The following HMCN1 variants were observed in gnomAD, a reference collection of about 807,000 sequenced individuals.
HMCN1 encodes hemicentin 1.
In HMCN1, 321 loss-of-function variants were observed where a neutral mutation model predicts 625.9. That is an observed-to-expected ratio of 0.51 (90% CI 0.47 to 0.56). The LOEUF (loss-of-function observed/expected upper bound fraction) is 0.56, where lower values mean the gene tolerates loss of function less well. HMCN1 is among the 20% of genes least tolerant of loss of function. The pLI, the probability that HMCN1 is intolerant of heterozygous loss-of-function variation, is 0.00. For missense variants in HMCN1, 6,588 were observed against 6,887.3 expected, an observed-to-expected ratio of 0.96 and a Z score of 1.54; for synonymous variants, 2,425 against 2,417.6, an observed-to-expected ratio of 1.00 and a Z score of -0.09.
rs184366161 is a variant in HMCN1, at chr1:186,088,535, A to G, written c.9578-71A>G. The stretch of plus-strand genomic sequence containing the variant: ...TTTATCACGTAAAGTAAGACATTTT[A>G]TCATGAATTTTAGAGATGTTAAAGT... On this transcript the variant is annotated intron_variant, in intron 62 of 106. Coordinates refer to ENST00000271588, the MANE Select transcript of HMCN1 (RefSeq NM_031935.3). 780 of 1,538,228 alleles carry G rather than the reference A, an allele frequency of 5.1e-4. 3 individuals carry two copies. The highest frequency in any genetic ancestry group is 1.2e-3 in the East Asian group (55 of 44,206).
chr1:186,125,528 TG>T, intron 81 of HMCN1, 75 bp from the exon 82 acceptor site: 1 of 1,123,456 alleles, frequency 8.9e-7, no homozygotes, highest in Non-Finnish European at 1.4e-6. Context: ...GAGTTTTTTA[TG>T]TGTTAATTTT....
In HMCN1 at chr1:186,137,824, G is replaced by T. The variant is rs1416651080; in HGVS notation, c.13776G>T (p.Trp4592Cys). 6.2e-7 allele frequency: 1 copy of T among 1,613,996 alleles called. No homozygotes were observed. Among genetic ancestry groups the T allele is most frequent in the Non-Finnish European group, 8.5e-7 (1 of 1,179,980 alleles). ...PCPVDGSWSEWSLWEECTRSC... is the reference protein window; with the variant it reads ...PCPVDGSWSECSLWEECTRSC... ...TAGTGGATGGTAGCTGGTCGGAATG[G>T]AGTCTTTGGGAAGAATGCACAAGGA... Residue 4592 changes from tryptophan (W) to cysteine (C), a missense_variant, in exon 89 of 107, where the codon TGG becomes TGT. Around this residue, in one of 3 missense-constraint regions of HMCN1, gnomAD observed 1,954 missense variants for 2,013.1 expected, o/e 0.97. Transcript: ENST00000271588.
At chr1:186,058,973 C>T (rs1657516354) in intron 46 of HMCN1, among the ~76,000 whole-genome samples, 1 of 151,990 alleles carries the variant, frequency 6.6e-6, no homozygotes, top group Non-Finnish European at 1.5e-5. Context: ...AGTTACTTAA[C>T]TTTGCTAACT....
intron 11 of HMCN1, among the ~76,000 whole-genome samples, chr1:185,955,609 A>G (rs1160636389): frequency 1.3e-5 from 2 of 152,226 alleles, no homozygotes; most frequent in African/African-American, 4.8e-5. Flanking sequence ...TGCTAATTTT[A>G]TAGTCATACT....
intron 4 of HMCN1, among the ~76,000 whole-genome samples, chr1:185,889,481 C>T (rs1293888475): frequency 2.1e-5 from 3 of 143,486 alleles, no homozygotes; most frequent in South Asian, 2.1e-4. Flanking sequence ...TGAAATATGT[C>T]GCATCAATAC....
chr1:185,882,838 G>A (rs758179858), intron 4 of HMCN1, among the ~76,000 whole-genome samples: 1 of 152,038 alleles, frequency 6.6e-6, no homozygotes, highest in Non-Finnish European at 1.5e-5. Flanking sequence ...GCCTAAAAAT[G>A]TATACTTTAT....
intron 4 of HMCN1, among the ~76,000 whole-genome samples, chr1:185,868,036 T>C (rs907090556): frequency 1.1e-4 from 17 of 151,756 alleles, no homozygotes; most frequent in African/African-American, 4.1e-4. Context: ...ACCACCGCAC[T>C]CCAGCCTGGG....
chr1:186,166,926 T>A lies in HMCN1; in HGVS notation c.15558T>A (p.Asp5186Glu). The A allele has an allele frequency of 6.2e-7, 1 of 1,614,134 alleles. No individual in the cohort carries two copies. The highest frequency in any genetic ancestry group is 8.5e-7 in the Non-Finnish European group (1 of 1,179,978). The change falls in exon 100 of 107, where the codon GAT becomes GAA. Residue 5186 changes from aspartate to glutamate, a missense_variant. Physicochemically the swap from Asp to Glu is conservative, Grantham distance 45. Around this residue, in one of 3 missense-constraint regions of HMCN1, gnomAD observed 1,954 missense variants for 2,013.1 expected, o/e 0.97. Coordinates refer to ENST00000271588, the MANE Select transcript of HMCN1 (RefSeq NM_031935.3). Reference protein sequence around the residue: ...RCGSGFRRTSDGLSCQDINEC... With the variant: ...RCGSGFRRTSEGLSCQDINEC... ...GAAGTGGCTTTCGAAGAACCTCTGA[T>A]GGGCTGAGTTGTCAAGGTATAAAAA...
At position 186,135,874 on chromosome 1, in the gene HMCN1, T is replaced by G. The variant is rs890285520; in HGVS notation, c.13313-794T>G. Among the ~76,000 whole-genome samples, 88 of 152,240 alleles carry G rather than the reference T, an allele frequency of 5.8e-4. 1 individual carries two copies. Among genetic ancestry groups the G allele is most frequent in the African/African-American group, 2.1e-3 (85 of 41,460 alleles). ...TTCCATAGGTATGCTATAGCACAAG[T>G]CTGTCTTATCAGTGGACTGTGAGCT... On this transcript the variant is annotated intron_variant, in intron 86 of 106. Coordinates refer to ENST00000271588, the MANE Select transcript of HMCN1 (RefSeq NM_031935.3).
intron 30 of HMCN1, among the ~76,000 whole-genome samples, chr1:186,013,884 C>A (rs6425012): frequency 0.39 from 58,522 of 151,796 alleles, 12,207 homozygotes; most frequent in Non-Finnish European, 0.47. Context: ...AAGTGAAAAG[C>A]AGAGACACAT....
chr1:185,880,548 C>T (rs945205022), intron 4 of HMCN1, among the ~76,000 whole-genome samples: 3 of 152,166 alleles, frequency 2.0e-5, no homozygotes, highest in African/African-American at 7.2e-5. Context: ...AGTTGCCTGA[C>T]CTTTGTCCTT....
At position 185,982,094 on chromosome 1, in the gene HMCN1, A is replaced by C. The variant is rs190171291; in HGVS notation, c.2663-168A>C. On this transcript the variant is annotated intron_variant, in intron 17 of 106. Coordinates refer to ENST00000271588, the MANE Select transcript of HMCN1 (RefSeq NM_031935.3). Reference sequence around the variant, plus strand: ...TTTTGCATTCCCCCTACTTAGAAGGAGACTTTAATTTTTACTTTCAAAATC... The same window carrying C: ...TTTTGCATTCCCCCTACTTAGAAGGCGACTTTAATTTTTACTTTCAAAATC... Among the ~76,000 whole-genome samples, 50 of 152,258 alleles carry C rather than the reference A, an allele frequency of 3.3e-4. 2 individuals are homozygous for C. Among genetic ancestry groups the C allele is most frequent in the Admixed American group, 2.1e-3 (32 of 15,282 alleles).
intron 51 of HMCN1, among the ~76,000 whole-genome samples, 160 bp from the exon 52 acceptor site, chr1:186,070,452 C>T (rs1054362598): frequency 9.2e-5 from 14 of 152,190 alleles, no homozygotes; most frequent in Non-Finnish European, 7.3e-5. Flanking sequence ...TTTGAACACT[C>T]TTTCATAAGA....
Position 185,794,171 on chromosome 1 carries a change from GA to G in HMCN1, c.269-51846del, listed in dbSNP as rs959006888. Among the ~76,000 whole-genome samples, 546 of 150,034 alleles carry G rather than the reference GA, an allele frequency of 3.6e-3. 1 individual carries two copies. The highest frequency in any genetic ancestry group is 0.01 in the Middle Eastern group (3 of 294). ...CATTTTGTTTTTCACCTTCTAAAAG[GA>G]AAAAAAAACTTTTAAAAAATCTTGT... On this transcript the variant is annotated intron_variant, in intron 1 of 106. Coordinates refer to ENST00000271588, the MANE Select transcript of HMCN1 (RefSeq NM_031935.3).
At chr1:186,078,027 G>T in intron 54 of HMCN1, 80 bp from the exon 55 acceptor site, 1 of 1,020,206 alleles carries the variant, frequency 9.8e-7, no homozygotes, top group Non-Finnish European at 1.5e-6. Flanking sequence ...GCAGTCATTA[G>T]ACCTGAAAAT....
Position 186,120,271 on chromosome 1 carries a change from TA to T in HMCN1, c.12229+127del, listed in dbSNP as rs567160443. 2,968 of 1,072,234 alleles carry T rather than the reference TA, an allele frequency of 2.8e-3. 10 individuals are homozygous for T. Among genetic ancestry groups the T allele is most frequent in the Non-Finnish European group, 3.6e-3 (2,672 of 742,204 alleles). The allele number at this position is 1,072,234 out of a possible 1,614,324, so 66.4% of individuals were successfully genotyped here. On this transcript the variant is annotated intron_variant, in intron 80 of 106. Transcript: ENST00000271588. The stretch of plus-strand genomic sequence containing the variant: ...AGTTCTCGACATTCTTAGTTTGCAT[TA>T]TCCTATTGGTTTTTCTATCACTTTT...
chr1:185,823,155 A>G (rs1356593742), intron 1 of HMCN1, among the ~76,000 whole-genome samples: 1 of 151,748 alleles, frequency 6.6e-6, no homozygotes, highest in Non-Finnish European at 1.5e-5. Context: ...TATGGACCCA[A>G]ATTTATTTCA....
Position 186,086,814 on chromosome 1 carries a change from TGA to T in HMCN1, c.9047-402_9047-401del, listed in dbSNP as rs1659515813. ...GATAGATGATAGATAGATAGATAGA[TGA>T]TAGATAGATAGATAGATAGATAGAT... On this transcript the variant is annotated intron_variant, in intron 58 of 106. Coordinates refer to ENST00000271588, the MANE Select transcript of HMCN1 (RefSeq NM_031935.3). 6.8e-4 allele frequency among the ~76,000 whole-genome samples: 50 copies of T among 73,714 alleles called. No homozygotes were observed. In the South Asian group the frequency reaches 0.016, roughly 24 times the overall value. 48.4% of individuals were successfully genotyped at this position (73,714 alleles called of 152,430 possible). A position where few individuals can be genotyped will look rare whatever the true frequency, so the allele number is the denominator to read the frequency against.
rs1008497796 is a variant in HMCN1, at chr1:185,846,099, G to A, written c.339+3G>A. The A allele has an allele frequency of 4.4e-6, 7 of 1,603,016 alleles. No individual in the cohort carries two copies. The Admixed American group carries it at 8.3e-5, about 19-fold the overall frequency. ...AACTCAGAGAACTGTATGTTCAGGT[G>A]AGTGCTTGCTTTCAGTGTTCTCTTG... On this transcript the variant is annotated splice_donor_region_variant and intron_variant, in intron 2 of 106. Coordinates refer to ENST00000271588, the MANE Select transcript of HMCN1 (RefSeq NM_031935.3).
Sources: allele counts gnomAD v4.1 joint callset (sites outside exome capture counted in the v4.1 genomes callset), GRCh38; gene constraint gnomAD v4.1.1; regional missense constraint gnomAD v4.1.1; transcripts MANE v1.5; gene names NCBI Gene and HGNC (gene_info 2026-07-23, HGNC 2026-07-21).